Variants in DNAH6 observed in about 807,000 individuals in gnomAD.
DNAH6 encodes dynein axonemal heavy chain 6.
Under a neutral mutation model 491.4 loss-of-function variants are expected in DNAH6, and 340 were observed. That is an observed-to-expected ratio of 0.69 (90% CI 0.63 to 0.76). The LOEUF is 0.76. Ranked by LOEUF, DNAH6 falls within the 30% of genes least tolerant of loss-of-function variation. The pLI is 0.00. For missense variants in DNAH6, 4,443 were observed against 4,972.2 expected, an observed-to-expected ratio of 0.89 and a Z score of 3.20; for synonymous variants, 1,603 against 1,686.1, an observed-to-expected ratio of 0.95 and a Z score of 1.21.
At chr2:84,592,195 T>C (rs1464200181) in intron 16 of DNAH6, among the ~76,000 whole-genome samples, 1 of 151,912 alleles carries the variant, frequency 6.6e-6, no homozygotes, top group Non-Finnish European at 1.5e-5. Flanking sequence ...ATATACTTGA[T>C]AAGAGGTTAT....
upstream of DNAH6, among the ~76,000 whole-genome samples, chr2:84,511,564 C>T (rs781465395): frequency 2.0e-5 from 3 of 152,140 alleles, no homozygotes; most frequent in East Asian, 1.9e-4. Context: ...ACTCTCGGTG[C>T]GCTGCACCCA....
chr2:84,625,132 T>A, intron 29 of DNAH6, 69 bp downstream of exon 29: 1 of 1,343,116 alleles, frequency 7.4e-7, no homozygotes, highest in Non-Finnish European at 9.8e-7. Context: ...CAACATGACA[T>A]AACAAAATAA....
chr2:84,694,456 G>A lies in DNAH6; in HGVS notation c.7500G>A (p.Met2500Ile), dbSNP rs1314380896. ...YKMAGVEDKN[M>I]VFLFTDTQIV... ...TGGCTGGTGTAGAAGACAAGAATAT[G>A]GTTTTCCTTTTCACTGACACCCAGG... The change falls in exon 46 of 77, where the codon ATG becomes ATA. Residue 2500 changes from methionine (M) to isoleucine (I), a missense_variant. Transcript: ENST00000389394. The A allele has an allele frequency of 6.4e-7, 1 of 1,551,792 alleles. No homozygotes were observed. Among genetic ancestry groups the A allele is most frequent in the South Asian group, 1.2e-5 (1 of 84,046 alleles).
In DNAH6 at chr2:84,552,928, T is replaced by G. The variant is rs1274490226; in HGVS notation, c.1496T>G (p.Met499Arg). 6.2e-7 allele frequency: 1 copy of G among 1,608,234 alleles called. No homozygotes were observed. The highest frequency in any genetic ancestry group is 1.3e-5 in the African/African-American group (1 of 74,856). The change falls in exon 10 of 77, where the codon ATG becomes AGG. Residue 499 changes from methionine to arginine, a missense_variant. This residue lies in a region of DNAH6 where 2,977 missense variants were observed against 3,296.6 expected (regional missense o/e 0.90). Transcript: ENST00000389394. ...ATATATTCATTTCAGGGGACCCTTA[T>G]GGTGGAAAAGCAAGAAGAAGATGAA... ...PEVPDKKGTL[M>R]VEKQEEDESL...
intron 70 of DNAH6, among the ~76,000 whole-genome samples, chr2:84,803,101 A>C (rs986994280): frequency 6.6e-6 from 1 of 152,260 alleles, no homozygotes; most frequent in Non-Finnish European, 1.5e-5. Flanking sequence ...TGCCTACATC[A>C]AAAAGGTATT....
chr2:84,682,336 C>G (rs894655565), intron 42 of DNAH6, among the ~76,000 whole-genome samples: 1 of 152,238 alleles, frequency 6.6e-6, no homozygotes, highest in African/African-American at 2.4e-5. Context: ...TGCTGTCACT[C>G]AGTCTGTTTT....
At chr2:84,502,498 T>C in the DNAH6 span, among the ~76,000 whole-genome samples, 1 of 152,206 alleles carries the variant, frequency 6.6e-6, no homozygotes, top group African/African-American at 2.4e-5. Flanking sequence ...TCTGTAGCCA[T>C]TGGATGAAAT....
chr2:84,532,435 T>C (rs1042022285), intron 4 of DNAH6, among the ~76,000 whole-genome samples: 5 of 152,090 alleles, frequency 3.3e-5, no homozygotes, highest in Non-Finnish European at 5.9e-5. Context: ...TGCTATGGAG[T>C]TGGCAGCAGC....
chr2:84,580,307 CAT>C (rs1682880187), intron 14 of DNAH6, among the ~76,000 whole-genome samples: 1 of 69,332 alleles, frequency 1.4e-5, no homozygotes, highest in African/African-American at 6.1e-5. Context: ...TATACACACA[CAT>C]ACACACGCAC....
At chr2:84,780,317 G>A (rs569006391) in intron 64 of DNAH6, among the ~76,000 whole-genome samples, 3 of 152,202 alleles carry the variant, frequency 2.0e-5, no homozygotes, top group East Asian at 3.9e-4. Context: ...ATTTCTCATA[G>A]CCTTTGTCCA....
intron 63 of DNAH6, among the ~76,000 whole-genome samples, chr2:84,751,597 A>G (rs898957437): frequency 1.3e-5 from 2 of 152,272 alleles, no homozygotes; most frequent in South Asian, 2.1e-4. Context: ...TTTGGCATCA[A>G]TAGTATCAAC....
chr2:84,649,840 G>T (rs1288629862), intron 33 of DNAH6, among the ~76,000 whole-genome samples: 1 of 152,122 alleles, frequency 6.6e-6, no homozygotes, highest in South Asian at 2.1e-4. Context: ...GCTGAAAAAT[G>T]ATGGGTTGAT....
chr2:84,772,308 A>G (rs1322221223), intron 64 of DNAH6, among the ~76,000 whole-genome samples: 2 of 152,140 alleles, frequency 1.3e-5, no homozygotes, highest in Non-Finnish European at 2.9e-5. Context: ...CAAGGATATG[A>G]CATGTAAAAA....
chr2:84,481,141 TTGGGCAGCAG>T, the DNAH6 span, among the ~76,000 whole-genome samples: 9 of 152,228 alleles, frequency 5.9e-5, no homozygotes, highest in East Asian at 1.4e-3. Context: ...TGCTAGTGGG[TTGGGCAGCAG>T]TGGGCAGCAG....
At chr2:84,565,329 T>A (rs1198011438) in intron 11 of DNAH6, among the ~76,000 whole-genome samples, 1 of 16,550 alleles carries the variant, frequency 6.0e-5, no homozygotes, top group Non-Finnish European at 4.0e-4. Context: ...GGTCCAGGGC[T>A]TTTTTTTTTT....
chr2:84,547,502 G>A lies in DNAH6; in HGVS notation c.1076G>A (p.Arg359His), dbSNP rs747560481. Reference sequence around the variant, plus strand: ...TTCAACAATATCTAGGTGACAGAACGCCTAGGAGAATTTCGAAATGAGGCA... The same window carrying A: ...TTCAACAATATCTAGGTGACAGAACACCTAGGAGAATTTCGAAATGAGGCA... ...QVIRLAEVTERLGEFRNEAKY... is the reference protein window; with the variant it reads ...QVIRLAEVTEHLGEFRNEAKY... Residue 359 changes from arginine (R) to histidine (H), a missense_variant, in exon 7 of 77, where the codon CGC becomes CAC. Coordinates refer to ENST00000389394, the MANE Select transcript of DNAH6 (RefSeq NM_001370.2). 44 of 1,551,384 alleles carry A rather than the reference G, an allele frequency of 2.8e-5. No individual in the cohort carries two copies. Among genetic ancestry groups the A allele is most frequent in the East Asian group, 4.9e-5 (2 of 40,922 alleles).
intron 5 of DNAH6, 75 bp from the exon 6 acceptor site, chr2:84,547,193 C>T (rs923446938): frequency 7.8e-7 from 1 of 1,279,446 alleles, no homozygotes; most frequent in African/African-American, 1.5e-5. Context: ...AATAACTATT[C>T]TTGCTTTTTG....
At chr2:84,559,145 T>C (rs1271888058) in intron 11 of DNAH6, among the ~76,000 whole-genome samples, 2 of 152,086 alleles carry the variant, frequency 1.3e-5, no homozygotes, top group African/African-American at 4.8e-5. Context: ...TAGCAGTTAA[T>C]CTAAGGAGCT....
chr2:84,482,137 C>G, the DNAH6 span, among the ~76,000 whole-genome samples: 1 of 152,182 alleles, frequency 6.6e-6, no homozygotes, highest in African/African-American at 2.4e-5. Flanking sequence ...CAGACATATG[C>G]AAACACCTTC....
Sources: gnomAD v4.1 joint callset for allele counts (sites outside exome capture counted in the v4.1 genomes callset) on GRCh38, gnomAD v4.1.1 for gene constraint, gnomAD v4.1.1 regional missense constraint, MANE v1.5 for transcripts, NCBI Gene and HGNC (gene_info 2026-07-23, HGNC 2026-07-21) for gene names.